PCDH11X: variants seen among roughly 807,000 people sequenced by gnomAD.
PCDH11X encodes protocadherin-11 X-linked.
In PCDH11X, 18 loss-of-function variants were observed where a neutral mutation model predicts 53.3. The ratio of observed to expected loss-of-function variants is 0.34; its 90% confidence interval spans 0.23 to 0.50. The LOEUF is 0.50. Ranked by LOEUF, PCDH11X falls within the 20% of genes least tolerant of loss-of-function variation. The pLI is 0.98. For missense variants in PCDH11X, 570 were observed against 1,032.4 expected (o/e 0.55, Z 6.14); for synonymous variants, 279 against 393.3 (o/e 0.71, Z 3.44).
chrX:92,105,769 A>G (rs1210894965), intron 6 of PCDH11X, among the ~76,000 whole-genome samples: 2 of 109,750 alleles, frequency 1.8e-5, no homozygotes, highest in African/African-American at 3.3e-5. Flanking sequence ...CCGGCCATTT[A>G]CACTTCTTTT....
rs781127117 is a variant in PCDH11X at position 92,216,167 on chromosome X, C to T, written c.3114+14712C>T. ...GAGCACCTCTCCTCCTCCAAAGGAACGCAGTTCCTCACCAGCAACGGAACA... is the reference window on the plus strand; with the variant it reads ...GAGCACCTCTCCTCCTCCAAAGGAATGCAGTTCCTCACCAGCAACGGAACA... On this transcript the variant is annotated intron_variant, in intron 7 of 10. Transcript: ENST00000682573. 1.9e-3 allele frequency among the ~76,000 whole-genome samples: 206 copies of T among 110,500 alleles called. 2 individuals are homozygous for T. Among genetic ancestry groups the T allele is most frequent in the African/African-American group, 5.9e-3 (181 of 30,455 alleles).
chrX:92,091,146 G>A (rs960518210), intron 6 of PCDH11X, among the ~76,000 whole-genome samples: 56 of 110,997 alleles, frequency 5.0e-4, no homozygotes, highest in Non-Finnish European at 7.9e-4. Flanking sequence ...ATGCTTTAGT[G>A]AGATTTTCTT....
intron 6 of PCDH11X, among the ~76,000 whole-genome samples, chrX:91,966,935 G>A (rs1306992264): frequency 5.5e-5 from 6 of 109,208 alleles, no homozygotes; most frequent in South Asian, 8.0e-4. Context: ...TTTAAGCCCC[G>A]CATGTATTAA....
chrX:92,402,084 A>C (rs1603301038), intron 9 of PCDH11X, among the ~76,000 whole-genome samples: 1 of 111,053 alleles, frequency 9.0e-6, no homozygotes, highest in Non-Finnish European at 1.9e-5. Context: ...ATGATTAGAA[A>C]AAAGGGGACC....
chrX:92,496,360 T>C lies in PCDH11X; in HGVS notation c.3367+28038T>C, dbSNP rs187801066. Reference sequence around the variant, plus strand: ...AAATGGAAGTTGTTTAATTATATAATAATTATGCAAGGAAAAATGTGGTGA... The same window carrying C: ...AAATGGAAGTTGTTTAATTATATAACAATTATGCAAGGAAAAATGTGGTGA... On this transcript the variant is annotated intron_variant, in intron 10 of 10. Transcript: ENST00000682573. Among the ~76,000 whole-genome samples the C allele has an allele frequency of 2.9e-3, 303 of 103,158 alleles. 4 individuals carry two copies. In the East Asian group the frequency reaches 0.04, roughly 14 times the overall value. The allele number at this position is 103,158 out of a possible 115,157, so 89.6% of individuals were successfully genotyped here. A position where few individuals can be genotyped will look rare whatever the true frequency, so the allele number is the denominator to read the frequency against.
chrX:91,944,341 G>A (rs1392960228), intron 6 of PCDH11X, among the ~76,000 whole-genome samples: 1 of 106,351 alleles, frequency 9.4e-6, no homozygotes, highest in African/African-American at 3.4e-5. Context: ...AAAAAACTAC[G>A]TCAAAACTAT....
chrX:91,852,348 G>A (rs766051185), intron 5 of PCDH11X, among the ~76,000 whole-genome samples: 2,691 of 108,336 alleles, frequency 0.025, 99 homozygotes, highest in African/African-American at 0.086. Context: ...TGACTTACGG[G>A]TTTTTAATTA....
intron 10 of PCDH11X, among the ~76,000 whole-genome samples, chrX:92,494,446 T>G (rs1195219061): frequency 5.6e-5 from 6 of 107,686 alleles, no homozygotes; most frequent in Non-Finnish European, 9.6e-5. Context: ...ACTGTCAGTT[T>G]ATTCTATGAA....
intron 6 of PCDH11X, among the ~76,000 whole-genome samples, chrX:91,983,658 A>G (rs1414022917): frequency 9.0e-6 from 1 of 111,544 alleles, no homozygotes; most frequent in East Asian, 2.9e-4. Context: ...TCAGGAGAAC[A>G]GTACGGGAAA....
chrX:91,866,247 A>T (rs1424015370), intron 5 of PCDH11X, among the ~76,000 whole-genome samples: 1 of 110,573 alleles, frequency 9.0e-6, no homozygotes, highest in Non-Finnish European at 1.9e-5. Flanking sequence ...CTGATGTCTC[A>T]GTATGCTGCA....
intron 6 of PCDH11X, among the ~76,000 whole-genome samples, chrX:91,942,565 T>C (rs1478216780): frequency 9.0e-6 from 1 of 110,692 alleles, no homozygotes; most frequent in Non-Finnish European, 1.9e-5. Context: ...ATTCCTTGTT[T>C]AAAACCTTCC....
chrX:92,273,640 G>A (rs1269094018), intron 8 of PCDH11X, among the ~76,000 whole-genome samples: 1 of 110,684 alleles, frequency 9.0e-6, no homozygotes, highest in Non-Finnish European at 1.9e-5. Context: ...GGGATTAGGG[G>A]CGGCGTGGGA....
chrX:92,361,740 C>G (rs1302881707), intron 8 of PCDH11X, among the ~76,000 whole-genome samples: 1 of 106,808 alleles, frequency 9.4e-6, no homozygotes, highest in Non-Finnish European at 1.9e-5. Flanking sequence ...CATTGTTTTG[C>G]AGCCATCACC....
chrX:92,377,922 G>A (rs1394798095), intron 8 of PCDH11X, among the ~76,000 whole-genome samples: 2 of 109,039 alleles, frequency 1.8e-5, no homozygotes, highest in Admixed American at 1.0e-4. Context: ...CATCAATTTT[G>A]CCAAGTAAAA....
At chrX:92,261,049 T>C (rs1203468526) in intron 7 of PCDH11X, among the ~76,000 whole-genome samples, 1 of 111,496 alleles carries the variant, frequency 9.0e-6, no homozygotes, top group African/African-American at 3.3e-5. Context: ...CTTTTCATCA[T>C]GTTTTTTCCC....
intron 10 of PCDH11X, among the ~76,000 whole-genome samples, chrX:92,480,394 C>T (rs2750801): frequency 0.062 from 6,862 of 110,795 alleles, 573 homozygotes; most frequent in African/African-American, 0.22. Flanking sequence ...TGCTAGAGAG[C>T]TGGTGTGGTC....
intron 10 of PCDH11X, among the ~76,000 whole-genome samples, chrX:92,594,409 G>A (rs1371665248): frequency 9.0e-6 from 1 of 110,754 alleles, no homozygotes; most frequent in Non-Finnish European, 1.9e-5. Flanking sequence ...AATTGTGTTT[G>A]GCTTTCTTTT....
chrX:92,114,785 C>T (rs2064601986), intron 6 of PCDH11X, among the ~76,000 whole-genome samples: 2 of 111,151 alleles, frequency 1.8e-5, no homozygotes, highest in South Asian at 7.7e-4. Context: ...TCCTACCCTG[C>T]ACCCCTACTG....
At chrX:91,962,056 G>T (rs2061795754) in intron 6 of PCDH11X, among the ~76,000 whole-genome samples, 1 of 105,634 alleles carries the variant, frequency 9.5e-6, no homozygotes, top group Non-Finnish European at 1.9e-5. Context: ...AGATTTAGGT[G>T]GGGACACAGC....
Sources: gnomAD v4.1 joint callset for allele counts (sites outside exome capture counted in the v4.1 genomes callset) on GRCh38, gnomAD v4.1.1 for gene constraint, MANE v1.5 for transcripts, NCBI Gene and HGNC (gene_info 2026-07-23, HGNC 2026-07-21) for gene names.